The following FYN variants were observed in gnomAD, a reference collection of about 807,000 sequenced individuals.
The protein encoded by FYN is tyrosine-protein kinase Fyn.
Under a neutral mutation model 70.2 loss-of-function variants are expected in FYN, and 10 were observed. The observed-to-expected ratio is 0.14, with a 90% CI of 0.09 to 0.24. The LOEUF is 0.24. FYN is among the 10% of genes least tolerant of loss of function. The probability of loss-of-function intolerance (pLI) is 1.00; values close to 1 mark genes in which losing one functional copy is unlikely to be tolerated. For synonymous variants in FYN, 236 were observed against 248.6 expected, an observed-to-expected ratio of 0.95 and a Z score of 0.48; for missense variants, 319 against 673.1, an observed-to-expected ratio of 0.47 and a Z score of 5.82.
intron 2 of FYN, among the ~76,000 whole-genome samples, chr6:111,834,286 T>TCA (rs976146234): frequency 1.3e-5 from 2 of 152,024 alleles, no homozygotes; most frequent in Admixed American, 6.5e-5. Flanking sequence ...TATTTCTCTC[T>TCA]CACACACACA....
chr6:111,714,507 T>A, intron 4 of FYN, 64 bp from the exon 5 acceptor site: 2 of 1,137,104 alleles, frequency 1.8e-6, no homozygotes, highest in Non-Finnish European at 2.7e-6. Context: ...TCCAAGAAAT[T>A]AAATCTTCAC....
At chr6:111,752,415 G>A (rs1390008846) in intron 3 of FYN, among the ~76,000 whole-genome samples, 1 of 152,208 alleles carries the variant, frequency 6.6e-6, no homozygotes, top group Non-Finnish European at 1.5e-5. Flanking sequence ...GAAGTTGTAG[G>A]GTGCTAACAG....
chr6:111,822,706 AAG>A (rs1280546419), intron 2 of FYN, among the ~76,000 whole-genome samples: 1 of 151,866 alleles, frequency 6.6e-6, no homozygotes, highest in Non-Finnish European at 1.5e-5. Context: ...AAAATAAAAA[AAG>A]AAAGAAATAA....
intron 12 of FYN, among the ~76,000 whole-genome samples, chr6:111,682,303 T>C (rs1005910640): frequency 5.5e-4 from 84 of 152,226 alleles, no homozygotes; most frequent in Admixed American, 3.3e-3. Flanking sequence ...GCCTGACTGA[T>C]GCTCTCGGTT....
At chr6:111,695,064 G>A (rs1427822558) in intron 10 of FYN, among the ~76,000 whole-genome samples, 1 of 152,158 alleles carries the variant, frequency 6.6e-6, no homozygotes, top group Non-Finnish European at 1.5e-5. Context: ...AATTGATGTG[G>A]GGAAAATACA....
intron 2 of FYN, among the ~76,000 whole-genome samples, chr6:111,817,701 AG>A (rs751320261): frequency 2.7e-4 from 41 of 152,200 alleles, no homozygotes; most frequent in Non-Finnish European, 1.8e-4. Context: ...AAAGACCTCA[AG>A]TTATTTGGCG....
intron 6 of FYN, among the ~76,000 whole-genome samples, chr6:111,704,712 C>A (rs1418809662): frequency 6.6e-6 from 1 of 151,276 alleles, no homozygotes; most frequent in Non-Finnish European, 1.5e-5. Flanking sequence ...TGAGATTGTG[C>A]CATAGTATTC....
intron 3 of FYN, chr6:111,741,100 C>CAA (rs201418574): frequency 3.7e-4 from 38 of 103,024 alleles, no homozygotes; most frequent in African/African-American, 1.0e-3. Context: ...GACCCTGTCT[C>CAA]AAAAAAAAAA....
intron 3 of FYN, among the ~76,000 whole-genome samples, chr6:111,747,352 C>A (rs1802273897): frequency 6.6e-6 from 1 of 152,154 alleles, no homozygotes; most frequent in Non-Finnish European, 1.5e-5. Context: ...AGCCAAGAGG[C>A]AAGTCAAGGA....
chr6:111,664,332 T>G (rs1054037584), intron 13 of FYN, among the ~76,000 whole-genome samples: 3 of 152,148 alleles, frequency 2.0e-5, no homozygotes, highest in African/African-American at 7.2e-5. Flanking sequence ...CGCCTCCTAA[T>G]GCTTGACTCT....
At chr6:111,675,748 G>A (rs940266296) in intron 12 of FYN, among the ~76,000 whole-genome samples, 1 of 151,732 alleles carries the variant, frequency 6.6e-6, no homozygotes, top group Non-Finnish European at 1.5e-5. Flanking sequence ...AGCCGAGATC[G>A]TGCCATTATA....
chr6:111,831,820 T>C (rs963678473), intron 2 of FYN, among the ~76,000 whole-genome samples: 2 of 152,184 alleles, frequency 1.3e-5, no homozygotes, highest in Admixed American at 6.5e-5. Context: ...ATGATTACAT[T>C]AAAATGATTG....
At chr6:111,734,198 G>A (rs1801597824) in intron 3 of FYN, among the ~76,000 whole-genome samples, 1 of 152,126 alleles carries the variant, frequency 6.6e-6, no homozygotes, top group Non-Finnish European at 1.5e-5. Flanking sequence ...TGCACACATT[G>A]AGCAGAACCA....
intron 2 of FYN, among the ~76,000 whole-genome samples, chr6:111,822,190 T>C (rs1397216832): frequency 3.3e-5 from 5 of 152,232 alleles, no homozygotes; most frequent in African/African-American, 4.8e-5. Flanking sequence ...TGTATGTTTA[T>C]TGTGGCACTA....
At chr6:111,859,595 CTTTA>C (rs1159305704) in intron 1 of FYN, among the ~76,000 whole-genome samples, 1 of 152,192 alleles carries the variant, frequency 6.6e-6, no homozygotes, top group African/African-American at 2.4e-5. Context: ...TTCACTGTAT[CTTTA>C]TTTATCTTGC....
At chr6:111,840,666 T>C (rs1315559537) in intron 2 of FYN, among the ~76,000 whole-genome samples, 2 of 152,340 alleles carry the variant, frequency 1.3e-5, no homozygotes, top group East Asian at 1.9e-4. Context: ...AATAACCTTT[T>C]AAAGGAAAAG....
intron 1 of FYN, among the ~76,000 whole-genome samples, chr6:111,865,977 G>T (rs1774092500): frequency 6.6e-6 from 1 of 152,038 alleles, no homozygotes; most frequent in Non-Finnish European, 1.5e-5. Context: ...AACAATTTTT[G>T]ATTCAGAACC....
chr6:111,677,646 A>G (rs1798591835), intron 12 of FYN, among the ~76,000 whole-genome samples: 1 of 152,244 alleles, frequency 6.6e-6, no homozygotes, highest in Non-Finnish European at 1.5e-5. Context: ...TCTGTAAGTT[A>G]GGAGACTTCA....
At chr6:111,714,235 T>C in intron 5 of FYN, 112 bp downstream of exon 5, 1 of 697,856 alleles carries the variant, frequency 1.4e-6, no homozygotes, top group Non-Finnish European at 2.5e-6. Flanking sequence ...ACCAGTGAAT[T>C]TAGCAAATGT....
Sources: allele counts gnomAD v4.1 joint callset (sites outside exome capture counted in the v4.1 genomes callset), GRCh38; gene constraint gnomAD v4.1.1; transcripts MANE v1.5; gene names NCBI Gene and HGNC (gene_info 2026-07-23, HGNC 2026-07-21).